The following GRAP2 variants were observed in gnomAD, a reference collection of about 807,000 sequenced individuals.
GRAP2 encodes GRB2-related adapter protein 2.
Under a neutral mutation model 43.5 loss-of-function variants are expected in GRAP2, and 31 were observed. The ratio of observed to expected loss-of-function variants is 0.71; its 90% CI spans 0.54 to 0.96. The LOEUF (loss-of-function observed/expected upper bound fraction) is 0.96, where lower values mean the gene tolerates loss of function less well. GRAP2 is among the 40% of genes least tolerant of loss of function. GRAP2 has a pLI of 0.00. For missense variants in GRAP2, 371 were observed against 424.4 expected (o/e 0.87, Z 1.11); for synonymous variants, 156 against 164.8 (o/e 0.95, Z 0.41).
chr22:39,957,422 C>T (rs569849775), intron 3 of GRAP2, among the ~76,000 whole-genome samples: 1 of 152,314 alleles, frequency 6.6e-6, no homozygotes, highest in South Asian at 2.1e-4. Flanking sequence ...CCCAGACCCC[C>T]CTCCCCCACC....
rs778341181 is a variant in GRAP2, at chr22:39,971,075, G to A, written c.984G>A (p.Met328Ile). The A allele has an allele frequency of 8.1e-6, 13 of 1,612,088 alleles. No individual in the cohort carries two copies. Among genetic ancestry groups the A allele is most frequent in the Middle Eastern group, 1.7e-4 (1 of 6,014 alleles). ...GLFPANYVAP[M>I]TR ...TCCCTGCCAACTACGTGGCACCCAT[G>A]ACCCGATAAACTCTTCAGGGGACAG... Residue 328 changes from methionine to isoleucine, a missense_variant, in exon 8 of 8, where the codon ATG (methionine) becomes ATA (isoleucine). Met to Ile is a conservative substitution (Grantham distance 10, BLOSUM62 1). Transcript: ENST00000344138.
At chr22:39,948,238 C>T (rs532570492) in intron 2 of GRAP2, 1 of 152,200 alleles carries the variant, frequency 6.6e-6, no homozygotes, top group Non-Finnish European at 1.5e-5. Context: ...TCTCAACTTT[C>T]AAGATCTAGT....
At chr22:39,965,103 C>A (rs1034616457) in intron 4 of GRAP2, among the ~76,000 whole-genome samples, 2 of 152,188 alleles carry the variant, frequency 1.3e-5, no homozygotes, top group African/African-American at 4.8e-5. Flanking sequence ...AAAACTCTAT[C>A]ATTTCACAGG....
At chr22:39,970,177 A>AC (rs1414481195) in intron 7 of GRAP2, among the ~76,000 whole-genome samples, 2 of 152,116 alleles carry the variant, frequency 1.3e-5, no homozygotes, top group East Asian at 3.9e-4. Context: ...GTGCAGTGGC[A>AC]CAATCATGGC....
At chr22:39,940,334 G>C (rs867697277) in intron 1 of GRAP2, among the ~76,000 whole-genome samples, 12 of 151,216 alleles carry the variant, frequency 7.9e-5, no homozygotes, top group South Asian at 2.1e-4. Flanking sequence ...ATGGGGAAAG[G>C]CTACTCCTTG....
intron 6 of GRAP2, among the ~76,000 whole-genome samples, chr22:39,969,096 A>ATGTGC (rs1362566797): frequency 2.0e-5 from 3 of 152,032 alleles, no homozygotes; most frequent in Non-Finnish European, 4.4e-5. Context: ...TCCCCCTCTA[A>ATGTGC]ATGGAAGCTC....
chr22:39,963,786 G>C (rs1031693247), intron 4 of GRAP2: 1 of 152,526 alleles, frequency 6.6e-6, no homozygotes, highest in Non-Finnish European at 1.5e-5. Flanking sequence ...GGGAGGCTGA[G>C]GTGGGCGGAT....
At chr22:39,896,871 A>G (rs1379829984), upstream of GRAP2, among the ~76,000 whole-genome samples, 2 of 152,046 alleles carry the variant, frequency 1.3e-5, no homozygotes, top group Non-Finnish European at 2.9e-5. Context: ...TTCTCCTTTA[A>G]TTTTTTGAAC....
At chr22:39,943,932 G>A (rs937877446) in intron 1 of GRAP2, among the ~76,000 whole-genome samples, 2 of 151,986 alleles carry the variant, frequency 1.3e-5, no homozygotes, top group African/African-American at 4.8e-5. Flanking sequence ...TGTTGGCCAG[G>A]ATGGTCTCCA....
chr22:39,942,778 A>G (rs2066884155), intron 1 of GRAP2, among the ~76,000 whole-genome samples: 3 of 152,218 alleles, frequency 2.0e-5, no homozygotes, highest in Admixed American at 2.0e-4. Context: ...CAACAGAGGA[A>G]AACTTTGTCT....
intron 1 of GRAP2, among the ~76,000 whole-genome samples, chr22:39,920,943 GACACACACACACACACACACAC>G (rs137974): frequency 4.2e-5 from 6 of 142,488 alleles, no homozygotes; most frequent in African/African-American, 1.0e-4. Context: ...TCTCTACACA[GACACACACACACACACACACAC>G]ACACACACAC....
At chr22:39,920,988 AC>A (rs1456974831) in intron 1 of GRAP2, among the ~76,000 whole-genome samples, 2 of 145,518 alleles carry the variant, frequency 1.4e-5, no homozygotes, top group African/African-American at 5.2e-5. Context: ...ACACACACAC[AC>A]AATCTGATGT....
intron 1 of GRAP2, among the ~76,000 whole-genome samples, chr22:39,934,083 A>G (rs535992377): frequency 2.0e-5 from 3 of 152,196 alleles, no homozygotes; most frequent in Non-Finnish European, 4.4e-5. Context: ...CATCTCCCCA[A>G]ATATGGCCCT....
chr22:39,942,090 C>CT (rs1351075952), intron 1 of GRAP2, among the ~76,000 whole-genome samples: 1 of 152,116 alleles, frequency 6.6e-6, no homozygotes, highest in Non-Finnish European at 1.5e-5. Flanking sequence ...CACAGGGTTC[C>CT]TTTATAGAGT....
At chr22:39,909,995 G>A (rs1044508795) in intron 1 of GRAP2, among the ~76,000 whole-genome samples, 2 of 152,190 alleles carry the variant, frequency 1.3e-5, no homozygotes, top group Non-Finnish European at 2.9e-5. Context: ...ATTACCTCAA[G>A]ATCTTTTCCC....
At chr22:39,915,909 C>T (rs905773279) in intron 1 of GRAP2, among the ~76,000 whole-genome samples, 1 of 152,194 alleles carries the variant, frequency 6.6e-6, no homozygotes, top group Non-Finnish European at 1.5e-5. Flanking sequence ...GGCCTCTCAA[C>T]ATTTTTTCCA....
intron 1 of GRAP2, among the ~76,000 whole-genome samples, chr22:39,941,568 T>G (rs2066871513): frequency 6.6e-6 from 1 of 152,208 alleles, no homozygotes; most frequent in Admixed American, 6.5e-5. Context: ...AATTTACATT[T>G]TTACATGGTT....
At chr22:39,953,613 G>A (rs890527999) in intron 2 of GRAP2, among the ~76,000 whole-genome samples, 13 of 151,898 alleles carry the variant, frequency 8.6e-5, no homozygotes, top group East Asian at 1.9e-4. Flanking sequence ...TCGCTCTCTC[G>A]CTCTCTCTTA....
intron 1 of GRAP2, among the ~76,000 whole-genome samples, chr22:39,925,588 C>A (rs558821279): frequency 4.6e-5 from 7 of 152,282 alleles, no homozygotes; most frequent in Admixed American, 1.3e-4. Flanking sequence ...ATGACGGATT[C>A]AGCATGTGGC....
Sources: gnomAD v4.1 joint callset for allele counts (sites outside exome capture counted in the v4.1 genomes callset) on GRCh38, gnomAD v4.1.1 for gene constraint, MANE v1.5 for transcripts, NCBI Gene and HGNC (gene_info 2026-07-23, HGNC 2026-07-21) for gene names.